The following MB21D2 variants were observed in gnomAD, a reference collection of about 807,000 sequenced individuals.
MB21D2 encodes the protein Mab-21 domain containing 2.
Under a neutral mutation model 33.3 loss-of-function variants are expected in MB21D2, and 9 were observed. The ratio of observed to expected loss-of-function variants is 0.27; its 90% CI spans 0.16 to 0.47. The LOEUF is 0.47. MB21D2 is among the 20% of genes least tolerant of loss of function. MB21D2 has a pLI of 0.99. For missense variants in MB21D2, 540 were observed against 624.6 expected (o/e 0.86, Z 1.44); for synonymous variants, 241 against 236.3 (o/e 1.02, Z -0.18).
At chr3:192,908,620 G>A (rs926473796) in intron 1 of MB21D2, among the ~76,000 whole-genome samples, 5 of 151,556 alleles carry the variant, frequency 3.3e-5, no homozygotes, top group Admixed American at 1.3e-4. Flanking sequence ...AGGTTTCACC[G>A]TGTTGGCCAG....
intron 1 of MB21D2, among the ~76,000 whole-genome samples, chr3:192,837,475 C>T (rs971799649): frequency 2.0e-5 from 3 of 152,134 alleles, no homozygotes; most frequent in Non-Finnish European, 2.9e-5. Flanking sequence ...GAACGAGCTG[C>T]GGATCTGCAA....
At chr3:192,838,793 T>C (rs1483136966) in intron 1 of MB21D2, among the ~76,000 whole-genome samples, 1 of 152,164 alleles carries the variant, frequency 6.6e-6, no homozygotes, top group Non-Finnish European at 1.5e-5. Flanking sequence ...GAAGTAGAAA[T>C]TAGAGATACA....
chr3:192,849,851 C>T (rs1560238722), intron 1 of MB21D2, among the ~76,000 whole-genome samples: 1 of 151,836 alleles, frequency 6.6e-6, no homozygotes, highest in Non-Finnish European at 1.5e-5. Context: ...ACTCCTGGCA[C>T]AGAAGAGCCT....
chr3:192,878,363 G>A (rs374606833), intron 1 of MB21D2, among the ~76,000 whole-genome samples: 21 of 152,208 alleles, frequency 1.4e-4, no homozygotes, highest in Non-Finnish European at 2.4e-4. Context: ...ACAGATGAAC[G>A]CCTTTATAGA....
intron 1 of MB21D2, among the ~76,000 whole-genome samples, chr3:192,837,749 T>C (rs1712471137): frequency 6.6e-6 from 1 of 152,236 alleles, no homozygotes; most frequent in Non-Finnish European, 1.5e-5. Context: ...CTTTAGATTC[T>C]GTATTTTTAA....
At chr3:192,884,791 CTCA>C (rs1374225031) in intron 1 of MB21D2, among the ~76,000 whole-genome samples, 1 of 152,070 alleles carries the variant, frequency 6.6e-6, no homozygotes, top group Non-Finnish European at 1.5e-5. Flanking sequence ...GCCTGCCTTC[CTCA>C]TGACACCCAC....
At chr3:192,863,473 G>A (rs78559677) in intron 1 of MB21D2, among the ~76,000 whole-genome samples, 3,701 of 152,290 alleles carry the variant, frequency 0.024, 160 homozygotes, top group East Asian at 0.15. Context: ...CAAAAGGAAC[G>A]TTAGCACATG....
chr3:192,841,620 G>A (rs140532057), intron 1 of MB21D2, among the ~76,000 whole-genome samples: 11 of 152,354 alleles, frequency 7.2e-5, no homozygotes, highest in African/African-American at 2.6e-4. Context: ...GGCTCTGGCC[G>A]ATAGCTTGAA....
At chr3:192,840,951 A>T (rs2108625282) in intron 1 of MB21D2, among the ~76,000 whole-genome samples, 1 of 152,342 alleles carries the variant, frequency 6.6e-6, no homozygotes, top group South Asian at 2.1e-4. Context: ...AGAAAGCAAA[A>T]TCAGCATACC....
chr3:192,829,697 CTGTTTA>C (rs1422489756), intron 1 of MB21D2, among the ~76,000 whole-genome samples: 2 of 152,270 alleles, frequency 1.3e-5, no homozygotes, highest in South Asian at 2.1e-4. Context: ...GAGCATTCTT[CTGTTTA>C]TGTTTATGTT....
chr3:192,917,595 A>C, intron 1 of MB21D2, 35 bp downstream of exon 1: 1 of 1,604,142 alleles, frequency 6.2e-7, no homozygotes, highest in Non-Finnish European at 8.5e-7. Context: ...TCACACACAC[A>C]CACGCACACA....
intron 1 of MB21D2, among the ~76,000 whole-genome samples, chr3:192,819,700 T>A (rs1046458496): frequency 1.3e-5 from 2 of 152,218 alleles, no homozygotes; most frequent in African/African-American, 4.8e-5. Flanking sequence ...AGATCTTCTA[T>A]GCAGACCACT....
At chr3:192,838,104 T>C (rs968584195) in intron 1 of MB21D2, among the ~76,000 whole-genome samples, 4 of 152,218 alleles carry the variant, frequency 2.6e-5, no homozygotes, top group Non-Finnish European at 5.9e-5. Context: ...ATTTGAAGGC[T>C]TGATTGGGGC....
At chr3:192,900,713 C>A (rs1049717005) in intron 1 of MB21D2, among the ~76,000 whole-genome samples, 1 of 151,980 alleles carries the variant, frequency 6.6e-6, no homozygotes, top group Admixed American at 6.5e-5. Flanking sequence ...GAGGCCGAGG[C>A]GAGCAGAGCA....
chr3:192,811,739 C>A (rs1577168978), intron 1 of MB21D2, among the ~76,000 whole-genome samples: 1 of 152,088 alleles, frequency 6.6e-6, no homozygotes, highest in Non-Finnish European at 1.5e-5. Context: ...CAGATACAGG[C>A]ATTTCTTTCT....
intron 1 of MB21D2, among the ~76,000 whole-genome samples, chr3:192,837,241 G>A (rs1258585081): frequency 1.3e-5 from 2 of 152,134 alleles, no homozygotes; most frequent in Non-Finnish European, 2.9e-5. Context: ...TCTTCTCTGA[G>A]AGGTTTTCTT....
At chr3:192,837,191 C>T (rs1338190753) in intron 1 of MB21D2, among the ~76,000 whole-genome samples, 1 of 152,170 alleles carries the variant, frequency 6.6e-6, no homozygotes, top group East Asian at 1.9e-4. Flanking sequence ...CTAGAAAGCC[C>T]ACACGTTTCC....
chr3:192,820,320 A>G (rs73890332), intron 1 of MB21D2, among the ~76,000 whole-genome samples: 1,701 of 152,332 alleles, frequency 0.011, 41 homozygotes, highest in African/African-American at 0.038. Context: ...TAACTTAAGC[A>G]CAAAGAGCAA....
Position 192,902,509 on chromosome 3 carries a change from G to A in MB21D2, c.211+15121C>T, listed in dbSNP as rs549157510. ...AATAATTCTAAGTACTTGGAACATC[G>A]CCTAGCCAACAGTGAGGAAGAGTTT... On this transcript the variant is annotated intron_variant, in intron 1 of 1. Coordinates refer to ENST00000392452, the MANE Select transcript of MB21D2 (RefSeq NM_178496.4). Among the ~76,000 whole-genome samples, 139 of 152,232 alleles carry A rather than the reference G, an allele frequency of 9.1e-4. 1 individual carries two copies. Among genetic ancestry groups the A allele is most frequent in the African/African-American group, 3.2e-3 (134 of 41,534 alleles).
Sources: gnomAD v4.1 joint callset for allele counts (sites outside exome capture counted in the v4.1 genomes callset) on GRCh38, gnomAD v4.1.1 for gene constraint, MANE v1.5 for transcripts, NCBI Gene and HGNC (gene_info 2026-07-23, HGNC 2026-07-21) for gene names.